NALF1: variants seen among roughly 807,000 people sequenced by gnomAD.
NALF1 encodes the protein family with sequence similarity 155 member A.
Under a neutral mutation model 48.4 loss-of-function variants are expected in NALF1, and 3 were observed. The observed-to-expected ratio is 0.06, with a 90% CI of 0.03 to 0.16. NALF1 has a LOEUF of 0.16. Among genes scored for constraint, NALF1 ranks in the 10% least tolerant of loss-of-function variants. The probability of loss-of-function intolerance (pLI) is 1.00; values close to 1 mark genes in which losing one functional copy is unlikely to be tolerated. For synonymous variants in NALF1, 262 were observed against 245.7 expected (o/e 1.07, Z -0.62); for missense variants, 526 against 571.5 (o/e 0.92, Z 0.81).
chr13:107,386,683 G>A (rs1161193900), intron 1 of NALF1, among the ~76,000 whole-genome samples: 1 of 152,190 alleles, frequency 6.6e-6, no homozygotes, highest in African/African-American at 2.4e-5. Context: ...TGCTGATGCA[G>A]TTATTATGAC....
chr13:107,588,133 T>A (rs1878508328), intron 1 of NALF1, among the ~76,000 whole-genome samples: 1 of 152,148 alleles, frequency 6.6e-6, no homozygotes, highest in Admixed American at 6.6e-5. Flanking sequence ...CTCTACTCTT[T>A]CATGGTGACA....
intron 1 of NALF1, among the ~76,000 whole-genome samples, chr13:107,253,977 G>T (rs1279694967): frequency 6.6e-6 from 1 of 151,916 alleles, no homozygotes; most frequent in Non-Finnish European, 1.5e-5. Context: ...TGAGCTTTAT[G>T]ATGGCAAACA....
At chr13:107,239,903 G>C (rs1369262407) in intron 1 of NALF1, among the ~76,000 whole-genome samples, 3 of 152,122 alleles carry the variant, frequency 2.0e-5, no homozygotes, top group African/African-American at 4.8e-5. Context: ...TGCTGGAGAG[G>C]GACCATGGGA....
At chr13:107,581,542 G>A (rs75065399) in intron 1 of NALF1, among the ~76,000 whole-genome samples, 1,754 of 152,220 alleles carry the variant, frequency 0.012, 34 homozygotes, top group African/African-American at 0.04. Flanking sequence ...AAAACCTTGT[G>A]TACTACAAGA....
intron 1 of NALF1, among the ~76,000 whole-genome samples, chr13:107,549,644 T>C (rs1007847382): frequency 5.3e-5 from 8 of 152,184 alleles, no homozygotes; most frequent in African/African-American, 9.6e-5. Flanking sequence ...ATTTTTTGTA[T>C]ACTAATTGAG....
intron 1 of NALF1, among the ~76,000 whole-genome samples, chr13:107,809,027 T>C (rs975375282): frequency 6.6e-6 from 1 of 152,068 alleles, no homozygotes; most frequent in African/African-American, 2.4e-5. Context: ...TGAAAACCTA[T>C]GACTAAAGAA....
chr13:107,244,925 ATTAT>A (rs370231773), intron 1 of NALF1, among the ~76,000 whole-genome samples: 17 of 152,250 alleles, frequency 1.1e-4, no homozygotes, highest in African/African-American at 4.1e-4. Flanking sequence ...TGTGTTTCCT[ATTAT>A]TTATTTAAGA....
chr13:107,680,725 G>A (rs960080682), intron 1 of NALF1, among the ~76,000 whole-genome samples: 2 of 125,674 alleles, frequency 1.6e-5, no homozygotes, highest in Non-Finnish European at 1.7e-5. Flanking sequence ...TGGTGTGAGA[G>A]TGTATGAGTG....
chr13:107,707,896 T>C (rs1463893019), intron 1 of NALF1, among the ~76,000 whole-genome samples: 2 of 152,174 alleles, frequency 1.3e-5, no homozygotes, highest in Non-Finnish European at 1.5e-5. Context: ...CAATTTTTCA[T>C]CTTTGGGACT....
At chr13:107,655,663 T>C (rs771734805) in intron 1 of NALF1, among the ~76,000 whole-genome samples, 27 of 151,650 alleles carry the variant, frequency 1.8e-4, no homozygotes, top group Non-Finnish European at 3.7e-4. Flanking sequence ...AAAATAATCC[T>C]AAAATTCACA....
intron 1 of NALF1, among the ~76,000 whole-genome samples, chr13:107,851,177 T>G (rs1880305167): frequency 6.6e-6 from 1 of 152,200 alleles, no homozygotes; most frequent in Non-Finnish European, 1.5e-5. Flanking sequence ...TCGTCTGAAT[T>G]TTTTACCGGA....
intron 1 of NALF1, among the ~76,000 whole-genome samples, chr13:107,394,031 A>G (rs1373434767): frequency 2.6e-5 from 4 of 152,186 alleles, no homozygotes; most frequent in African/African-American, 7.2e-5. Context: ...GGAAGTAAGT[A>G]ATCAACTGGA....
chr13:107,314,898 A>ATG (rs1882115990), intron 1 of NALF1, among the ~76,000 whole-genome samples: 1 of 152,122 alleles, frequency 6.6e-6, no homozygotes, highest in African/African-American at 2.4e-5. Context: ...CCAAGCCATA[A>ATG]AGTTGTCATC....
At position 107,358,383 on chromosome 13, in the gene NALF1, G is replaced by A. The variant is rs140835028; in HGVS notation, c.916-147628C>T. The stretch of plus-strand genomic sequence containing the variant: ...TACAAAAAGTACTTGAGCTTCAGTG[G>A]GATCCAGGTGAAAAACATTTAGCAG... On this transcript the variant is annotated intron_variant, in intron 1 of 2. Coordinates refer to ENST00000375915, the MANE Select transcript of NALF1 (RefSeq NM_001080396.3). Among the ~76,000 whole-genome samples, 292 of 152,192 alleles carry A rather than the reference G, an allele frequency of 1.9e-3. 2 individuals are homozygous for A. Among genetic ancestry groups the A allele is most frequent in the African/African-American group, 6.3e-3 (261 of 41,532 alleles).
chr13:107,756,435 C>CCATATATATATA (rs1555323651), intron 1 of NALF1, among the ~76,000 whole-genome samples: 3 of 141,056 alleles, frequency 2.1e-5, no homozygotes, highest in African/African-American at 5.4e-5. Context: ...AGTTTAATGG[C>CCATATATATATA]TATATATATA....
intron 1 of NALF1, among the ~76,000 whole-genome samples, chr13:107,367,574 G>C (rs1161838550): frequency 6.6e-6 from 1 of 152,212 alleles, no homozygotes; most frequent in Non-Finnish European, 1.5e-5. Flanking sequence ...CGTGGAAGCA[G>C]GACACACACA....
chr13:107,658,889 G>A (rs1163601785), intron 1 of NALF1, among the ~76,000 whole-genome samples: 1 of 151,896 alleles, frequency 6.6e-6, no homozygotes, highest in African/African-American at 2.4e-5. Flanking sequence ...TACTCAGATT[G>A]TTTGTTCAGT....
chr13:107,797,467 C>T (rs949569485), intron 1 of NALF1, among the ~76,000 whole-genome samples: 24 of 152,178 alleles, frequency 1.6e-4, no homozygotes, highest in African/African-American at 5.8e-4. Flanking sequence ...CTTCAGCCTC[C>T]CAAAGTGCTG....
intron 1 of NALF1, among the ~76,000 whole-genome samples, chr13:107,693,328 T>TGGGGGG (rs1566446153): frequency 7.7e-4 from 43 of 55,948 alleles, no homozygotes; most frequent in Non-Finnish European, 8.6e-4. Context: ...TGTCGTAGGG[T>TGGGGGG]AGGGGGGGCG....
Sources: allele counts gnomAD v4.1 joint callset (sites outside exome capture counted in the v4.1 genomes callset), GRCh38; gene constraint gnomAD v4.1.1; transcripts MANE v1.5; gene names NCBI Gene and HGNC (gene_info 2026-07-23, HGNC 2026-07-21).